Variants in ELP1 observed in about 807,000 individuals in gnomAD.
The protein encoded by ELP1 is elongator acetyltransferase complex subunit 1.
A neutral mutation model predicts 183.2 loss-of-function variants in ELP1; 131 were observed. That is an observed-to-expected ratio of 0.72 (90% CI 0.62 to 0.83). The LOEUF (loss-of-function observed/expected upper bound fraction) is 0.83, where lower values mean the gene tolerates loss of function less well. ELP1 is among the 40% of genes least tolerant of loss of function. The pLI is 0.00. For missense variants in ELP1, 1,550 were observed against 1,594.9 expected, an observed-to-expected ratio of 0.97 and a Z score of 0.48; for synonymous variants, 555 against 569.0, an observed-to-expected ratio of 0.98 and a Z score of 0.35.
chr9:108,894,752 T>A (rs10979597), intron 25 of ELP1, among the ~76,000 whole-genome samples: 13,059 of 152,210 alleles, frequency 0.086, 643 homozygotes, highest in East Asian at 0.16. Context: ...CCTGAAATGA[T>A]CACATTAAAA....
intron 4 of ELP1, 125 bp downstream of exon 4, chr9:108,927,247 A>C: frequency 1.3e-6 from 1 of 759,024 alleles, no homozygotes; most frequent in Non-Finnish European, 2.4e-6. Flanking sequence ...ATACTGGTTC[A>C]TAATTGGTAT....
chr9:108,922,774 A>G, intron 6 of ELP1, 68 bp downstream of exon 6: 1 of 1,152,810 alleles, frequency 8.7e-7, no homozygotes, highest in South Asian at 1.2e-5. Flanking sequence ...GACACCAAAG[A>G]GTTCCTGGTG....
At chr9:108,884,177 A>G (rs1828036456) in intron 29 of ELP1, among the ~76,000 whole-genome samples, 1 of 152,216 alleles carries the variant, frequency 6.6e-6, no homozygotes, top group Admixed American at 6.5e-5. Context: ...AATTAGGAAT[A>G]GTAACAGAGA....
chr9:108,900,505 C>T (rs1828736387), intron 18 of ELP1, 130 bp from the exon 19 acceptor site: 2 of 745,874 alleles, frequency 2.7e-6, no homozygotes, highest in Non-Finnish European at 4.8e-6. Flanking sequence ...AGCTCTCCCA[C>T]TGAACCTCAA....
chr9:108,900,023 G>T, intron 19 of ELP1, 128 bp from the exon 20 acceptor site: 1 of 869,110 alleles, frequency 1.2e-6, no homozygotes, highest in Non-Finnish European at 1.9e-6. Flanking sequence ...ACTTTTAGCA[G>T]AATCTTGTTG....
Position 108,867,898 on chromosome 9 carries a change from G to A in ELP1, c.*1217C>T, listed in dbSNP as rs1054379768. ...ACAATTTTGGCTATATCACTTCTTTGAGGATCAAAAGCAGCATTTCCTGTT... is the reference window on the plus strand; with the variant it reads ...ACAATTTTGGCTATATCACTTCTTTAAGGATCAAAAGCAGCATTTCCTGTT... On this transcript the variant is annotated 3_prime_UTR_variant, in exon 37 of 37. Coordinates refer to ENST00000374647, the MANE Select transcript of ELP1 (RefSeq NM_003640.5). 21 of 152,156 alleles carry A rather than the reference G, an allele frequency of 1.4e-4. No individual in the cohort carries two copies. Among genetic ancestry groups the A allele is most frequent in the African/African-American group, 4.8e-4 (20 of 41,432 alleles). The allele number at this position is 152,156 out of a possible 1,614,324, so 9.4% of individuals were successfully genotyped here. A position where few individuals can be genotyped will look rare whatever the true frequency, so the allele number is the denominator to read the frequency against.
intron 3 of ELP1, among the ~76,000 whole-genome samples, chr9:108,929,559 T>C (rs1012524059): frequency 3.3e-5 from 5 of 152,240 alleles, no homozygotes; most frequent in African/African-American, 1.2e-4. Context: ...CTCTGATTAA[T>C]AGATGCAGCA....
At chr9:108,896,869 G>T in intron 24 of ELP1, 84 bp downstream of exon 24, 2 of 1,257,602 alleles carry the variant, frequency 1.6e-6, no homozygotes, top group Non-Finnish European at 2.3e-6. Context: ...CTGTGGTGTG[G>T]CAATGACATG....
At position 108,918,586 on chromosome 9, in the gene ELP1, G is replaced by A. The variant is rs537466600; in HGVS notation, c.740+225C>T. 2.6e-5 allele frequency among the ~76,000 whole-genome samples: 4 copies of A among 151,336 alleles called. No individual in the cohort carries two copies. In the East Asian group the frequency reaches 7.7e-4, roughly 29 times the overall value. ...AAAATATATGCGGCCTTGGAACAAT[G>A]AAATCTGTGAAGAAGCGTAAAATCT... On this transcript the variant is annotated intron_variant, in intron 8 of 36. Coordinates refer to ENST00000374647, the MANE Select transcript of ELP1 (RefSeq NM_003640.5).
intron 8 of ELP1, among the ~76,000 whole-genome samples, chr9:108,918,054 T>C (rs1829512813): frequency 6.6e-6 from 1 of 152,260 alleles, no homozygotes; most frequent in Non-Finnish European, 1.5e-5. Context: ...AAATATTCTA[T>C]GCTCCAGTAG....
In ELP1 at chr9:108,917,666, A is replaced by AG; in HGVS notation, c.744dup (p.Ser249LeufsTer11). 1 of 1,611,056 alleles carries AG rather than the reference A, an allele frequency of 6.2e-7. No individual in the cohort carries two copies. Among genetic ancestry groups the AG allele is most frequent in the Non-Finnish European group, 8.5e-7 (1 of 1,178,940 alleles). ...TGTGTAGATGCAATCAAACTGCCTG[A>AG]GGGTCTTAAAGCAAACTCAGAGTGT... is the stretch of plus-strand genomic sequence containing the variant. On this transcript the variant is annotated frameshift_variant, in exon 9 of 37. Transcript: ENST00000374647. LOFTEE classifies it high-confidence loss of function.
At chr9:108,901,989 C>A (rs1438901848) in intron 16 of ELP1, among the ~76,000 whole-genome samples, 1 of 152,218 alleles carries the variant, frequency 6.6e-6, no homozygotes, top group African/African-American at 2.4e-5. Flanking sequence ...AATCAAGTCT[C>A]TTCTGGGCAG....
chr9:108,896,459 A>G, intron 25 of ELP1, 37 bp downstream of exon 25: 2 of 1,607,386 alleles, frequency 1.2e-6, no homozygotes, highest in South Asian at 2.2e-5. Flanking sequence ...TTATATAAAC[A>G]AGAACCAAAT....
intron 14 of ELP1, among the ~76,000 whole-genome samples, chr9:108,905,550 A>G (rs1828986032): frequency 6.6e-6 from 1 of 152,224 alleles, no homozygotes; most frequent in African/African-American, 2.4e-5. Context: ...GGTACAAAAT[A>G]GGATATATAG....
At chr9:108,916,445 A>C in intron 9 of ELP1, 148 bp from the exon 10 acceptor site, 1 of 700,552 alleles carries the variant, frequency 1.4e-6, no homozygotes, top group Non-Finnish European at 2.6e-6. Flanking sequence ...AGAGGCATTA[A>C]ACAAATCTGT....
At chr9:108,900,818 TACACGCCACACAC>T (rs1828758107) in intron 18 of ELP1, among the ~76,000 whole-genome samples, 3 of 96,456 alleles carry the variant, frequency 3.1e-5, no homozygotes, top group Admixed American at 1.1e-4. Context: ...CACACACACA[TACACGCCACACAC>T]ACATACACGC....
intron 6 of ELP1, among the ~76,000 whole-genome samples, chr9:108,921,403 A>G (rs569185726): frequency 4.7e-4 from 71 of 152,258 alleles, no homozygotes; most frequent in African/African-American, 1.7e-3. Context: ...CATAATCTTT[A>G]TGAGGTTTAC....
chr9:108,931,435 C>G (rs1371707836), intron 1 of ELP1, among the ~76,000 whole-genome samples: 1 of 152,162 alleles, frequency 6.6e-6, no homozygotes, highest in African/African-American at 2.4e-5. Context: ...TTAGGAGAGG[C>G]AAGATTCTCA....
intron 14 of ELP1, among the ~76,000 whole-genome samples, chr9:108,904,245 A>ATTTTT (rs57450962): frequency 7.6e-6 from 1 of 132,444 alleles, no homozygotes; most frequent in African/African-American, 2.8e-5. Flanking sequence ...AAATTTCACT[A>ATTTTT]TTTTTTTTTT....
Sources: allele counts gnomAD v4.1 joint callset (sites outside exome capture counted in the v4.1 genomes callset), GRCh38; gene constraint gnomAD v4.1.1; transcripts MANE v1.5; gene names NCBI Gene and HGNC (gene_info 2026-07-23, HGNC 2026-07-21).